The following TEAD1 variants were observed in gnomAD, a reference collection of about 807,000 sequenced individuals.
The protein encoded by TEAD1 is transcriptional enhancer factor TEF-1.
Under a neutral mutation model 54.9 loss-of-function variants are expected in TEAD1, and 9 were observed. The observed-to-expected ratio is 0.16, with a 90% CI of 0.10 to 0.29. The LOEUF (loss-of-function observed/expected upper bound fraction) is 0.29, where lower values mean the gene tolerates loss of function less well. Among genes scored for constraint, TEAD1 ranks in the 10% least tolerant of loss-of-function variants. The pLI is 1.00. For synonymous variants in TEAD1, 200 were observed against 187.8 expected, an observed-to-expected ratio of 1.07 and a Z score of -0.53; for missense variants, 387 against 535.9, an observed-to-expected ratio of 0.72 and a Z score of 2.74.
intron 2 of TEAD1, among the ~76,000 whole-genome samples, chr11:12,760,185 G>A (rs2133920319): frequency 6.6e-6 from 1 of 152,294 alleles, no homozygotes; most frequent in Admixed American, 6.5e-5. Flanking sequence ...GATGGACTTG[G>A]ACATAAATGA....
intron 9 of TEAD1, among the ~76,000 whole-genome samples, chr11:12,891,669 G>A (rs1400719873): frequency 6.6e-6 from 1 of 152,188 alleles, no homozygotes; most frequent in Non-Finnish European, 1.5e-5. Context: ...AGACAGGAAA[G>A]CTCAGAGAGT....
chr11:12,773,224 C>T (rs749110123), intron 3 of TEAD1, among the ~76,000 whole-genome samples: 9 of 152,230 alleles, frequency 5.9e-5, no homozygotes, highest in Non-Finnish European at 1.2e-4. Flanking sequence ...TTCAAATCCA[C>T]TGTGAACATA....
chr11:12,879,592 T>A, intron 5 of TEAD1, 116 bp from the exon 6 acceptor site: 1 of 1,320,232 alleles, frequency 7.6e-7, no homozygotes, highest in East Asian at 2.3e-5. Context: ...TGTTTGCTTT[T>A]TTTGGCCTAT....
intron 3 of TEAD1, among the ~76,000 whole-genome samples, chr11:12,812,241 A>G (rs893595648): frequency 1.3e-5 from 2 of 152,114 alleles, no homozygotes; most frequent in Admixed American, 6.5e-5. Context: ...TCTTGCCACC[A>G]CTTATTCAGT....
In TEAD1 at chr11:12,879,570, T is replaced by C. The variant is rs1193885893; in HGVS notation, c.331-138T>C. 7 of 1,011,592 alleles carry C rather than the reference T, an allele frequency of 6.9e-6. No homozygotes were observed. The East Asian group carries it at 1.7e-4, about 25-fold the overall frequency. 62.7% of individuals were successfully genotyped at this position (1,011,592 alleles called of 1,614,324 possible). ...GTGGTTTAGCCTTCTGGCTGTGTTA[T>C]TTATCCATGCATGTTTGCTTTTTTT... On this transcript the variant is annotated intron_variant, in intron 5 of 12. Transcript: ENST00000527636.
At chr11:12,701,187 T>C (rs1282440006) in intron 2 of TEAD1, among the ~76,000 whole-genome samples, 3 of 152,224 alleles carry the variant, frequency 2.0e-5, no homozygotes, top group Non-Finnish European at 2.9e-5. Context: ...GAGTCTAATT[T>C]CTTAGAGAAC....
intron 3 of TEAD1, among the ~76,000 whole-genome samples, chr11:12,809,974 C>CTTTTTTTT (rs55647097): frequency 1.6e-4 from 18 of 115,646 alleles, no homozygotes; most frequent in African/African-American, 4.8e-4. Flanking sequence ...TTTCCCCATT[C>CTTTTTTTT]TTTTTTTTTT....
At chr11:12,806,457 G>C (rs1048058698) in intron 3 of TEAD1, among the ~76,000 whole-genome samples, 12 of 151,786 alleles carry the variant, frequency 7.9e-5, no homozygotes, top group Non-Finnish European at 1.5e-5. Context: ...TTGGGTCCTT[G>C]GTCGATGGTC....
intron 2 of TEAD1, among the ~76,000 whole-genome samples, chr11:12,711,620 A>G (rs572731716): frequency 7.2e-5 from 11 of 152,308 alleles, no homozygotes; most frequent in Non-Finnish European, 1.3e-4. Flanking sequence ...CTGGGAATGC[A>G]GTGAGATGCA....
At chr11:12,758,640 T>C (rs1945038178) in intron 2 of TEAD1, among the ~76,000 whole-genome samples, 1 of 152,032 alleles carries the variant, frequency 6.6e-6, no homozygotes, top group African/African-American at 2.4e-5. Context: ...GGTCTTGATC[T>C]CCTGACCTCG....
intron 2 of TEAD1, 146 bp from the exon 3 acceptor site, chr11:12,764,033 C>T: frequency 1.7e-6 from 1 of 602,870 alleles, no homozygotes; most frequent in Non-Finnish European, 2.8e-6. Context: ...AACCGTGTAA[C>T]CCAAAACCAT....
At chr11:12,698,947 G>A (rs918835490) in intron 2 of TEAD1, among the ~76,000 whole-genome samples, 1 of 152,106 alleles carries the variant, frequency 6.6e-6, no homozygotes, top group African/African-American at 2.4e-5. Flanking sequence ...TTGTAAGTTG[G>A]ATTTATCAGT....
At chr11:12,800,195 C>G (rs950202904) in intron 3 of TEAD1, among the ~76,000 whole-genome samples, 1 of 152,206 alleles carries the variant, frequency 6.6e-6, no homozygotes, top group Non-Finnish European at 1.5e-5. Context: ...TGGATGATGA[C>G]TGCTTGCACC....
intron 3 of TEAD1, among the ~76,000 whole-genome samples, chr11:12,776,049 T>C (rs1334623192): frequency 6.6e-6 from 1 of 152,016 alleles, no homozygotes; most frequent in African/African-American, 2.4e-5. Context: ...AGAGCATCTC[T>C]CCCTTCCACT....
At chr11:12,821,448 A>G (rs930033237) in intron 3 of TEAD1, among the ~76,000 whole-genome samples, 3 of 152,158 alleles carry the variant, frequency 2.0e-5, no homozygotes, top group African/African-American at 7.2e-5. Context: ...GTGGGGGAAT[A>G]TTTTTGTTCA....
intron 2 of TEAD1, among the ~76,000 whole-genome samples, chr11:12,693,718 A>G (rs1943515381): frequency 6.6e-6 from 1 of 152,178 alleles, no homozygotes; most frequent in Non-Finnish European, 1.5e-5. Context: ...TTCATTTGCA[A>G]ATAAGAGTGA....
chr11:12,679,875 G>C (rs996132746), intron 2 of TEAD1, among the ~76,000 whole-genome samples: 1 of 152,080 alleles, frequency 6.6e-6, no homozygotes, highest in Non-Finnish European at 1.5e-5. Flanking sequence ...CAATAGATCC[G>C]AATATTAAGA....
intron 2 of TEAD1, among the ~76,000 whole-genome samples, chr11:12,742,747 T>C (rs1944672272): frequency 6.6e-6 from 1 of 152,204 alleles, no homozygotes; most frequent in African/African-American, 2.4e-5. Context: ...AGGAAAGTCT[T>C]GACTCCTACT....
chr11:12,773,274 A>G (rs1945349844), intron 3 of TEAD1, among the ~76,000 whole-genome samples: 1 of 152,258 alleles, frequency 6.6e-6, no homozygotes, highest in Non-Finnish European at 1.5e-5. Context: ...ATTCACTTAC[A>G]TGGGATAAAT....
Sources: gnomAD v4.1 joint callset for allele counts (sites outside exome capture counted in the v4.1 genomes callset) on GRCh38, gnomAD v4.1.1 for gene constraint, MANE v1.5 for transcripts, NCBI Gene and HGNC (gene_info 2026-07-23, HGNC 2026-07-21) for gene names.